Variants in FAM110C observed in about 807,000 individuals in gnomAD.
FAM110C encodes the protein family with sequence similarity 110 member C.
Under a neutral mutation model 15.7 loss-of-function variants are expected in FAM110C, and 19 were observed. The ratio of observed to expected loss-of-function variants is 1.21; its 90% CI spans 0.85 to 1.78. The LOEUF (loss-of-function observed/expected upper bound fraction) is 1.78. FAM110C is among the 40% of genes most tolerant of loss of function. The pLI is 0.00. For missense variants in FAM110C, 547 were observed against 495.7 expected (o/e 1.10, Z -0.98); for synonymous variants, 275 against 233.9 (o/e 1.18, Z -1.61).
In FAM110C at chr2:41,551, C is replaced by T. The variant is rs890240631; in HGVS notation, c.*57G>A. On this transcript the variant is annotated 3_prime_UTR_variant, in exon 2 of 2. Coordinates refer to ENST00000327669, the MANE Select transcript of FAM110C (RefSeq NM_001077710.3). ...GCAATCATGTGGTCACCTAGGCACA[C>T]TAGCCAAATGGTCCTGGGATCCCAA... 9.3e-6 allele frequency: 15 copies of T among 1,605,578 alleles called. No individual in the cohort carries two copies. The highest frequency in any genetic ancestry group is 8.0e-5 in the African/African-American group (6 of 74,600).
chr2:45,959 C>G lies in FAM110C; in HGVS notation c.427G>C (p.Glu143Gln). ...GTCTCCGGGTTCCCGGCCTTGCCCT[C>G]GTCTCCCGTCCGGGGCACCGGCGCC... is the stretch of plus-strand genomic sequence containing the variant. ...DKAPVPRTGD[E>Q]GKAGNPETVP... The change falls in exon 1 of 2, where the codon GAG (glutamate) becomes CAG (glutamine). Residue 143 changes from glutamate to glutamine, a missense_variant. By Grantham distance (29) the Glu-to-Gln change is conservative (BLOSUM62 2). Transcript: ENST00000327669. 3 of 1,440,646 alleles carry G rather than the reference C, an allele frequency of 2.1e-6. No individual in the cohort carries two copies. Among genetic ancestry groups the G allele is most frequent in the South Asian group, 1.5e-5 (1 of 67,120 alleles). 89.2% of individuals were successfully genotyped at this position (1,440,646 alleles called of 1,614,324 possible). A position where few individuals can be genotyped will look rare whatever the true frequency, so the allele number is the denominator to read the frequency against.
In FAM110C at chr2:46,298, G is replaced by A. The variant is rs1664309495; in HGVS notation, c.88C>T (p.Arg30Trp). 25 of 1,339,628 alleles carry A rather than the reference G, an allele frequency of 1.9e-5. No homozygotes were observed. In the East Asian group the frequency reaches 6.8e-4, roughly 36 times the overall value. The allele number at this position is 1,339,628 out of a possible 1,614,324, so 83.0% of individuals were successfully genotyped here. A position where few individuals can be genotyped will look rare whatever the true frequency, so the allele number is the denominator to read the frequency against. Residue 30 changes from arginine to tryptophan, a missense_variant, in exon 1 of 2, where the codon CGG becomes TGG. Arg to Trp is a moderately radical substitution (Grantham distance 101). Transcript: ENST00000327669. ...TCCACTGCGCTCCTGCGCGCCGGCCGCGCGGCGTCGGGGTCCCGGGTAGCC... is the reference window on the plus strand; with the variant it reads ...TCCACTGCGCTCCTGCGCGCCGGCCACGCGGCGTCGGGGTCCCGGGTAGCC... Reference protein sequence around the residue: ...PAATRDPDAARPARRSAVERL... With the variant: ...PAATRDPDAAWPARRSAVERL...
chr2:42,935 A>T (rs1332476613), intron 1 of FAM110C: 2 of 985,358 alleles, frequency 2.0e-6, no homozygotes, highest in African/African-American at 3.5e-5. Flanking sequence ...AACTGGTCTC[A>T]GAACAAGGGA....
Position 45,689 on chromosome 2 carries a change from C to T in FAM110C, c.697G>A (p.Gly233Arg), listed in dbSNP as rs758549943. Residue 233 changes from glycine to arginine, a missense_variant, in exon 1 of 2, where the codon GGG (glycine) becomes AGG (arginine). Coordinates refer to ENST00000327669, the MANE Select transcript of FAM110C (RefSeq NM_001077710.3). ...GACCCCGCGGTGAAGTTCTCCCTCC[C>T]CAGGGCCTCCACCACCTCGGGGTCC... ...GLDPEVVEAL[G>R]RENFTAGSDC... is the part of the protein sequence containing the mutation. The T allele has an allele frequency of 6.9e-6, 11 of 1,604,994 alleles. No individual in the cohort carries two copies. Among genetic ancestry groups the T allele is most frequent in the Non-Finnish European group, 6.0e-6 (7 of 1,176,454 alleles).
At chr2:44,266 C>T in intron 1 of FAM110C, 1 of 985,146 alleles carries the variant, frequency 1.0e-6, no homozygotes, top group Non-Finnish European at 1.2e-6. Flanking sequence ...AAGTCCTGAG[C>T]CTTCTGAGTT....
At chr2:43,275 A>C in intron 1 of FAM110C, 2 of 985,396 alleles carry the variant, frequency 2.0e-6, no homozygotes, top group Non-Finnish European at 2.4e-6. Flanking sequence ...AAACTGGGGT[A>C]GCTTCTGTGG....
At chr2:41,654 A>G (rs1423839724) in intron 1 of FAM110C, 27 bp from the exon 2 acceptor site, 1 of 1,613,164 alleles carries the variant, frequency 6.2e-7, no homozygotes, top group African/African-American at 1.3e-5. Flanking sequence ...AAAATAGTGA[A>G]TCAACTCCAG....
Position 46,354 on chromosome 2 carries a change from G to A in FAM110C, c.32C>T (p.Pro11Leu). 1 of 1,305,038 alleles carries A rather than the reference G, an allele frequency of 7.7e-7. No individual in the cohort carries two copies. Among genetic ancestry groups the A allele is most frequent in the Non-Finnish European group, 9.7e-7 (1 of 1,030,170 alleles). The allele number at this position is 1,305,038 out of a possible 1,614,324, so 80.8% of individuals were successfully genotyped here. A position where few individuals can be genotyped will look rare whatever the true frequency, so the allele number is the denominator to read the frequency against. MRALAALSAP[P>L]NERLLPRDPA... ...GTCCCGGGGAAGGAGCCGCTCGTTC[G>A]GGGGCGCGCTCAGGGCCGCCAGGGC... Residue 11 changes from proline (P) to leucine (L), a missense_variant, in exon 1 of 2, where the codon CCG (proline) becomes CTG (leucine). Coordinates refer to ENST00000327669, the MANE Select transcript of FAM110C (RefSeq NM_001077710.3).
chr2:44,571 G>A, intron 1 of FAM110C: 1 of 985,362 alleles, frequency 1.0e-6, no homozygotes, highest in South Asian at 4.7e-5. Context: ...CGTTCTCAAA[G>A]ACAGCCCTGA....
At chr2:42,124 T>C in intron 1 of FAM110C, 1 of 985,400 alleles carries the variant, frequency 1.0e-6, no homozygotes, top group Non-Finnish European at 1.2e-6. Context: ...TTACCTAAAA[T>C]GTGCTCCTAG....
chr2:45,615 G>T lies in FAM110C; in HGVS notation c.771C>A (p.Gly257=). The T allele has an allele frequency of 6.2e-7, 1 of 1,613,316 alleles. No individual in the cohort carries two copies. Among genetic ancestry groups the T allele is most frequent in the East Asian group, 2.2e-5 (1 of 44,868 alleles). The change falls in exon 1 of 2, where the codon GGC becomes GGA. Residue 257 remains glycine (G), a synonymous_variant. Coordinates refer to ENST00000327669, the MANE Select transcript of FAM110C (RefSeq NM_001077710.3). ...CGCCGCTGTGCCGGGAGAAGCCGCT[G>T]CCGGAGGTGGCGACGCTCACGCTGC... The part of the protein sequence containing the change: ...KVRSVSVATS[G]SGFSRHSGGD...
At chr2:44,491 A>T in intron 1 of FAM110C, 1 of 985,402 alleles carries the variant, frequency 1.0e-6, no homozygotes, top group Non-Finnish European at 1.2e-6. Context: ...ATGATTTTTA[A>T]AATTTACTTA....
In FAM110C at chr2:45,959, C is replaced by T. The variant is rs759608827; in HGVS notation, c.427G>A (p.Glu143Lys). Residue 143 changes from glutamate (E) to lysine (K), a missense_variant, in exon 1 of 2, where the codon GAG (glutamate) becomes AAG (lysine). Glu to Lys is a moderately conservative substitution (Grantham distance 56, BLOSUM62 1). Transcript: ENST00000327669. ...DKAPVPRTGD[E>K]GKAGNPETVP... ...GTCTCCGGGTTCCCGGCCTTGCCCT[C>T]GTCTCCCGTCCGGGGCACCGGCGCC... 3.5e-6 allele frequency: 5 copies of T among 1,440,538 alleles called. No individual in the cohort carries two copies. The highest frequency in any genetic ancestry group is 1.5e-5 in the African/African-American group (1 of 67,092). The allele number at this position is 1,440,538 out of a possible 1,614,324, so 89.2% of individuals were successfully genotyped here.
chr2:46,472 G>T lies in FAM110C; in HGVS notation c.-87C>A. Reference sequence around the variant, plus strand: ...GCCAGTCAGTCCCAGGGCCGGTTCCGAAGTCCGCGCCGGGTGGGGAACGGC... The same window carrying T: ...GCCAGTCAGTCCCAGGGCCGGTTCCTAAGTCCGCGCCGGGTGGGGAACGGC... On this transcript the variant is annotated 5_prime_UTR_variant, in exon 1 of 2. Transcript: ENST00000327669. 9.3e-7 allele frequency: 1 copy of T among 1,078,130 alleles called. No individual in the cohort carries two copies. The highest frequency in any genetic ancestry group is 1.2e-6 in the Non-Finnish European group (1 of 844,170). 66.8% of individuals were successfully genotyped at this position (1,078,130 alleles called of 1,614,324 possible).
rs1196400438 is a variant in FAM110C at position 40,466 on chromosome 2, T to C, written c.*1142A>G. On this transcript the variant is annotated 3_prime_UTR_variant, in exon 2 of 2. Coordinates refer to ENST00000327669, the MANE Select transcript of FAM110C (RefSeq NM_001077710.3). ...AATTGGCTGGGTAACAAATTTTCTT[T>C]GGGTTATTTCTCAGAAGGTTCTGAA... The C allele has an allele frequency of 1.3e-5, 2 of 152,212 alleles. No individual in the cohort carries two copies. The highest frequency in any genetic ancestry group is 2.9e-5 in the Non-Finnish European group (2 of 68,036). The allele number at this position is 152,212 out of a possible 1,614,324, so 9.4% of individuals were successfully genotyped here.
rs1338836175 is a variant in FAM110C at position 40,428 on chromosome 2, T to C, written c.*1180A>G. 7 of 152,226 alleles carry C rather than the reference T, an allele frequency of 4.6e-5. No homozygotes were observed. The highest frequency in any genetic ancestry group is 2.6e-4 in the Admixed American group (4 of 15,286). 9.4% of individuals were successfully genotyped at this position (152,226 alleles called of 1,614,324 possible). ...TTCTTGAAAAGATATATTTTGATAT[T>C]AAGCTTTCGAAGAATTGGCTGGGTA... On this transcript the variant is annotated 3_prime_UTR_variant, in exon 2 of 2. Transcript: ENST00000327669.
chr2:44,930 T>C, intron 1 of FAM110C: 2 of 985,364 alleles, frequency 2.0e-6, no homozygotes, highest in South Asian at 9.4e-5. Flanking sequence ...TCCAGGAAAG[T>C]GCAGGGAGTC....
At position 46,308 on chromosome 2, in the gene FAM110C, G is replaced by A; in HGVS notation, c.78C>T (p.Pro26=). 11 of 1,328,546 alleles carry A rather than the reference G, an allele frequency of 8.3e-6. No homozygotes were observed. Among genetic ancestry groups the A allele is most frequent in the South Asian group, 2.1e-5 (1 of 48,350 alleles). The allele number at this position is 1,328,546 out of a possible 1,614,324, so 82.3% of individuals were successfully genotyped here. A position where few individuals can be genotyped will look rare whatever the true frequency, so the allele number is the denominator to read the frequency against. The stretch of plus-strand genomic sequence containing the variant: ...TCCTGCGCGCCGGCCGCGCGGCGTC[G>A]GGGTCCCGGGTAGCCGCGGGGTCCC... ...LPRDPAATRD[P]DAARPARRSA... is the part of the protein sequence containing the mutation. Residue 26 remains proline, a synonymous_variant, in exon 1 of 2, where the codon CCC becomes CCT. Transcript: ENST00000327669.
intron 1 of FAM110C, 82 bp downstream of exon 1, chr2:45,358 C>A: frequency 6.7e-7 from 1 of 1,503,042 alleles, no homozygotes; most frequent in Non-Finnish European, 8.9e-7. Context: ...CTGTAACTGG[C>A]CATCGCCCAG....
Sources: allele counts gnomAD v4.1 joint callset, GRCh38; gene constraint gnomAD v4.1.1; transcripts MANE v1.5; gene names NCBI Gene and HGNC (gene_info 2026-07-23, HGNC 2026-07-21).